The following FBXW4 variants were observed in gnomAD, a reference collection of about 807,000 sequenced individuals.
The protein encoded by FBXW4 is F-box and WD repeat domain containing 4, also known as F-box/WD repeat-containing protein 4.
In FBXW4, 40 loss-of-function variants were observed where a neutral mutation model predicts 61.8. The ratio of observed to expected loss-of-function variants is 0.65; its 90% CI spans 0.50 to 0.84. FBXW4 has a LOEUF of 0.84. Ranked by LOEUF, FBXW4 falls within the 40% of genes least tolerant of loss-of-function variation. The pLI is 0.00. For synonymous variants in FBXW4, 311 were observed against 313.8 expected (o/e 0.99, Z 0.10); for missense variants, 672 against 753.8 (o/e 0.89, Z 1.27).
chr10:101,649,620 C>G lies in FBXW4; in HGVS notation c.1235+18266G>C, dbSNP rs577927702. Among the ~76,000 whole-genome samples, 4 of 152,320 alleles carry G rather than the reference C, an allele frequency of 2.6e-5. No homozygotes were observed. In the South Asian group the frequency reaches 8.3e-4, roughly 32 times the overall value. On this transcript the variant is annotated intron_variant, in intron 5 of 8. Transcript: ENST00000331272. ...CTGATGGGTTCCTTTGGGATTTAGG[C>G]CCCTCAAAGACCTTGGAGCTCCAGC...
Position 101,615,193 on chromosome 10 carries a change from G to C in FBXW4, c.1302-2716C>G, listed in dbSNP as rs79134864. On this transcript the variant is annotated intron_variant, in intron 6 of 8. Coordinates refer to ENST00000331272, the MANE Select transcript of FBXW4 (RefSeq NM_022039.4). ...GGCCTCTCACTGTGGGGGGCGAGAGGGGGGTGCAGAGCCTTGGCTGTTGCA... is the reference window on the plus strand; with the variant it reads ...GGCCTCTCACTGTGGGGGGCGAGAGCGGGGTGCAGAGCCTTGGCTGTTGCA... Among the ~76,000 whole-genome samples the C allele has an allele frequency of 7.2e-3, 1,096 of 152,262 alleles. 55 individuals carry two copies. The East Asian group carries it at 0.14, about 20-fold the overall frequency.
intron 6 of FBXW4, among the ~76,000 whole-genome samples, chr10:101,623,374 C>T (rs748882229): frequency 7.2e-5 from 11 of 152,024 alleles, no homozygotes; most frequent in Admixed American, 2.6e-4. Context: ...ATAATGAGAA[C>T]CTGTATCTCT....
intron 1 of FBXW4, among the ~76,000 whole-genome samples, chr10:101,684,188 A>G (rs2064508073): frequency 6.6e-6 from 1 of 152,064 alleles, no homozygotes; most frequent in Non-Finnish European, 1.5e-5. Flanking sequence ...CAATGGCACA[A>G]TCTCGGCTCA....
chr10:101,672,394 G>A (rs867115346), intron 4 of FBXW4, among the ~76,000 whole-genome samples: 5 of 152,220 alleles, frequency 3.3e-5, no homozygotes, highest in East Asian at 1.9e-4. Context: ...TCTGTGGACC[G>A]GGCAATTTGG....
chr10:101,634,259 A>ATATTAC (rs1321068178), intron 5 of FBXW4, among the ~76,000 whole-genome samples: 2 of 150,096 alleles, frequency 1.3e-5, no homozygotes, highest in Non-Finnish European at 3.0e-5. Context: ...AGATCCATAT[A>ATATTAC]AAAATATAAA....
In FBXW4 at chr10:101,667,896, G is replaced by C; in HGVS notation, c.1225C>G (p.Pro409Ala). Reference protein sequence around the residue: ...EDRVWSIAISPLLSSFVTGTA... With the variant: ...EDRVWSIAISALLSSFVTGTA... ...ATATGTCTCCCTTACCTGAGTAATG[G>C]GCTGATAGCAATGGACCAGACTCGG... Residue 409 changes from proline (P) to alanine (A), a missense_variant, in exon 5 of 9, where the codon CCA becomes GCA. Pro to Ala is a conservative substitution (Grantham distance 27). Coordinates refer to ENST00000331272, the MANE Select transcript of FBXW4 (RefSeq NM_022039.4). The C allele has an allele frequency of 6.2e-7, 1 of 1,613,818 alleles. No individual in the cohort carries two copies. The highest frequency in any genetic ancestry group is 1.3e-5 in the African/African-American group (1 of 75,024).
chr10:101,644,198 T>C (rs1233405329), intron 5 of FBXW4, among the ~76,000 whole-genome samples: 2 of 152,164 alleles, frequency 1.3e-5, no homozygotes, highest in African/African-American at 2.4e-5. Context: ...TGGGGAAACT[T>C]TGGCATGTGG....
intron 6 of FBXW4, among the ~76,000 whole-genome samples, chr10:101,623,566 C>T (rs2063884688): frequency 1.3e-5 from 2 of 152,184 alleles, no homozygotes; most frequent in Non-Finnish European, 2.9e-5. Context: ...CCAAACAACA[C>T]AGCATTTGTA....
intron 5 of FBXW4, among the ~76,000 whole-genome samples, chr10:101,632,302 T>C (rs1463556428): frequency 6.6e-6 from 1 of 152,154 alleles, no homozygotes; most frequent in Admixed American, 6.5e-5. Flanking sequence ...CTCTGGATAG[T>C]GTCCAGAGGC....
intron 5 of FBXW4, among the ~76,000 whole-genome samples, chr10:101,654,702 T>C (rs2064171742): frequency 1.3e-5 from 2 of 152,194 alleles, no homozygotes. Flanking sequence ...TGCTATGACA[T>C]CTTTTGGTTC....
chr10:101,662,338 A>G (rs2134877020), intron 5 of FBXW4, among the ~76,000 whole-genome samples: 1 of 152,272 alleles, frequency 6.6e-6, no homozygotes, highest in African/African-American at 2.4e-5. Flanking sequence ...CACCTCTGGG[A>G]GAAATGAAGC....
At chr10:101,635,838 C>A (rs1288832928) in intron 5 of FBXW4, among the ~76,000 whole-genome samples, 2 of 135,454 alleles carry the variant, frequency 1.5e-5, no homozygotes, top group Non-Finnish European at 3.3e-5. Flanking sequence ...AAGACCCGGT[C>A]TCAGAAAAAA....
intron 6 of FBXW4, among the ~76,000 whole-genome samples, chr10:101,614,206 C>T (rs1169519226): frequency 6.6e-6 from 1 of 152,230 alleles, no homozygotes; most frequent in Non-Finnish European, 1.5e-5. Context: ...TTAGTGAGGC[C>T]TTAAGGAATG....
rs2064643077 is a variant in FBXW4, at chr10:101,694,142, C to G, written c.725+239G>C. 6.6e-6 allele frequency among the ~76,000 whole-genome samples: 1 copy of G among 152,080 alleles called. No individual in the cohort carries two copies. The highest frequency in any genetic ancestry group is 6.5e-5 in the Admixed American group (1 of 15,272). ...ATGGCTAATTGTGAGGAGCGGCCCA[C>G]CCGGGAGGGTGCCTACTGAGGGATG... On this transcript the variant is annotated intron_variant, in intron 1 of 8. Transcript: ENST00000331272. This position sits in a 1 kb window ranked among gnomAD's most constrained non-coding sequence, Gnocchi z 6.0.
chr10:101,627,749 T>C (rs2063918556), intron 5 of FBXW4, among the ~76,000 whole-genome samples: 1 of 152,204 alleles, frequency 6.6e-6, no homozygotes. Context: ...ATTATTCCCA[T>C]TGTGCAGAAA....
At chr10:101,651,846 G>A (rs1275045146) in intron 5 of FBXW4, among the ~76,000 whole-genome samples, 4 of 152,040 alleles carry the variant, frequency 2.6e-5, no homozygotes, top group African/African-American at 9.7e-5. Context: ...AAGGAAAATC[G>A]GCTGGCCCAT....
intron 1 of FBXW4, among the ~76,000 whole-genome samples, chr10:101,680,155 GA>G (rs1589779609): frequency 3.3e-5 from 5 of 152,040 alleles, no homozygotes; most frequent in Middle Eastern, 3.4e-3. Context: ...TATCAATAGA[GA>G]AAAAAACTGA....
At chr10:101,631,817 T>C (rs542441712) in intron 5 of FBXW4, among the ~76,000 whole-genome samples, 4 of 152,190 alleles carry the variant, frequency 2.6e-5, no homozygotes, top group East Asian at 1.9e-4. Context: ...TTAGTAGAGA[T>C]GGGGTTTCGC....
chr10:101,666,210 G>A (rs1477436726), intron 5 of FBXW4, among the ~76,000 whole-genome samples: 5 of 152,086 alleles, frequency 3.3e-5, no homozygotes, highest in South Asian at 2.1e-4. Flanking sequence ...TCTTTCCTAC[G>A]ATTGCTAGAA....
Sources: allele counts gnomAD v4.1 joint callset (sites outside exome capture counted in the v4.1 genomes callset), GRCh38; gene constraint gnomAD v4.1.1; non-coding constraint Gnocchi (gnomAD v3.1); transcripts MANE v1.5; gene names NCBI Gene and HGNC (gene_info 2026-07-23, HGNC 2026-07-21).